NBEA: variants seen among roughly 807,000 people sequenced by gnomAD.
The protein encoded by NBEA is lysosomal-trafficking regulator 2.
A neutral mutation model predicts 343.4 loss-of-function variants in NBEA; 44 were observed. The observed-to-expected ratio is 0.13, with a 90% CI of 0.10 to 0.16. The LOEUF (loss-of-function observed/expected upper bound fraction) is 0.16, where lower values mean the gene tolerates loss of function less well. NBEA is among the 10% of genes least tolerant of loss of function. The pLI, the probability that NBEA is intolerant of heterozygous loss-of-function variation, is 1.00. For missense variants in NBEA, 2,555 were observed against 3,631.3 expected, an observed-to-expected ratio of 0.70 and a Z score of 7.62; for synonymous variants, 1,175 against 1,238.7, an observed-to-expected ratio of 0.95 and a Z score of 1.08.
intron 38 of NBEA, among the ~76,000 whole-genome samples, chr13:35,392,435 G>A (rs1244848932): frequency 6.6e-6 from 1 of 150,612 alleles, no homozygotes; most frequent in East Asian, 1.9e-4. Context: ...ACATCTGGTG[G>A]TAAAACCTAA....
chr13:35,455,274 A>G (rs1417520120), intron 40 of NBEA, among the ~76,000 whole-genome samples: 4 of 152,120 alleles, frequency 2.6e-5, no homozygotes, highest in Non-Finnish European at 5.9e-5. Context: ...CCAATATGTA[A>G]TAAGTTAAAT....
At chr13:34,978,856 A>G (rs1264559237) in intron 1 of NBEA, among the ~76,000 whole-genome samples, 3 of 152,212 alleles carry the variant, frequency 2.0e-5, no homozygotes, top group Non-Finnish European at 4.4e-5. Context: ...AAGCTAATCC[A>G]TTCTTCTACT....
Position 35,000,891 on chromosome 13 carries a change from G to A in NBEA, c.295-40042G>A, listed in dbSNP as rs188390479. 1.5e-3 allele frequency among the ~76,000 whole-genome samples: 221 copies of A among 151,604 alleles called. 1 individual carries two copies. Among genetic ancestry groups the A allele is most frequent in the African/African-American group, 5.0e-3 (208 of 41,354 alleles). On this transcript the variant is annotated intron_variant, in intron 1 of 58. Transcript: ENST00000379939. ...TCCTTTTTTGTTTTTGTTTTTTAGT[G>A]TAATTTTGAATTTCAAAAAAGAAAA...
intron 1 of NBEA, among the ~76,000 whole-genome samples, chr13:34,947,799 G>C (rs2152481076): frequency 6.6e-6 from 1 of 152,280 alleles, no homozygotes; most frequent in East Asian, 1.9e-4. Flanking sequence ...TTACGGTCCA[G>C]ACTTAGGATC....
Position 35,429,800 on chromosome 13 carries a change from CGT to C in NBEA, c.6180-2436_6180-2435del, listed in dbSNP as rs60362511. On this transcript the variant is annotated intron_variant, in intron 38 of 58. Coordinates refer to ENST00000379939, the MANE Select transcript of NBEA (RefSeq NM_001385012.1). Reference sequence around the variant, plus strand: ...CCCACCCTTTCCCCTGAGTCCCCAACGTGTGTGTGTGTGTGTGTGTGTGTGTG... The same window carrying C: ...CCCACCCTTTCCCCTGAGTCCCCAACGTGTGTGTGTGTGTGTGTGTGTGTG... Among the ~76,000 whole-genome samples, 228 of 140,264 alleles carry C rather than the reference CGT, an allele frequency of 1.6e-3. 1 individual carries two copies. Among genetic ancestry groups the C allele is most frequent in the African/African-American group, 4.4e-3 (161 of 36,874 alleles). The allele number at this position is 140,264 out of a possible 152,430, so 92.0% of individuals were successfully genotyped here.
At chr13:35,353,569 CAT>C (rs779248410) in intron 38 of NBEA, among the ~76,000 whole-genome samples, 25 of 152,038 alleles carry the variant, frequency 1.6e-4, no homozygotes, top group African/African-American at 3.9e-4. Context: ...AAAATTATAA[CAT>C]GTGTCTTTAA....
intron 34 of NBEA, among the ~76,000 whole-genome samples, chr13:35,243,684 G>C (rs1300858858): frequency 6.6e-6 from 1 of 151,684 alleles, no homozygotes; most frequent in Non-Finnish European, 1.5e-5. Context: ...AGGATAAAAG[G>C]GTTATACAAA....
At chr13:35,405,422 C>G (rs1017995065) in intron 38 of NBEA, among the ~76,000 whole-genome samples, 18 of 152,116 alleles carry the variant, frequency 1.2e-4, no homozygotes, top group Non-Finnish European at 2.6e-4. Context: ...GGGCTAAACA[C>G]TTTACATATA....
chr13:35,156,327 G>A (rs887442033), intron 20 of NBEA, 121 bp downstream of exon 20: 6 of 976,070 alleles, frequency 6.1e-6, no homozygotes, highest in East Asian at 3.2e-5. Flanking sequence ...ATCAGAAAAG[G>A]CATTTTATGT....
chr13:35,467,470 T>TAA (rs201528942), intron 40 of NBEA, among the ~76,000 whole-genome samples: 1 of 146,592 alleles, frequency 6.8e-6, no homozygotes. Flanking sequence ...AGACTCCATC[T>TAA]AAAAAAAATA....
At chr13:35,038,478 C>T (rs1350855835) in intron 1 of NBEA, among the ~76,000 whole-genome samples, 2 of 152,048 alleles carry the variant, frequency 1.3e-5, no homozygotes, top group Non-Finnish European at 2.9e-5. Context: ...CATAGTCTCA[C>T]CTGAAGCCAA....
intron 34 of NBEA, among the ~76,000 whole-genome samples, chr13:35,238,361 C>G (rs1014493880): frequency 6.6e-6 from 1 of 152,174 alleles, no homozygotes; most frequent in Non-Finnish European, 1.5e-5. Flanking sequence ...AAAGACTACT[C>G]CCTTTGATTC....
rs553575558 is a variant in NBEA, at chr13:35,302,094, A to G, written c.5839-7434A>G. ...GTGGCCCAAACTGTAACGCATGCCA[A>G]CCACCAGAATCACAAATGTTCTATG... On this transcript the variant is annotated intron_variant, in intron 35 of 58. Transcript: ENST00000379939. Among the ~76,000 whole-genome samples, 49 of 152,214 alleles carry G rather than the reference A, an allele frequency of 3.2e-4. 1 individual carries two copies. Among genetic ancestry groups the G allele is most frequent in the East Asian group, 7.7e-4 (4 of 5,206 alleles).
intron 1 of NBEA, among the ~76,000 whole-genome samples, chr13:34,957,824 C>T (rs535734569): frequency 1.8e-4 from 28 of 152,138 alleles, no homozygotes; most frequent in Non-Finnish European, 3.5e-4. Context: ...AAATAACTTA[C>T]GCAAGACTTA....
intron 11 of NBEA, among the ~76,000 whole-genome samples, chr13:35,107,679 A>G (rs985836370): frequency 3.3e-5 from 5 of 151,924 alleles, no homozygotes; most frequent in African/African-American, 1.2e-4. Context: ...CAATTTTGCT[A>G]GCTGCTTTTT....
chr13:35,567,030 T>A lies in NBEA; in HGVS notation c.7035+13T>A. ...GGATCTATCAAAGGTAACTTTTAAA[T>A]ATATAGAAGTCAGCTTTCTTCATAA... On this transcript the variant is annotated intron_variant, in intron 45 of 58. Coordinates refer to ENST00000379939, the MANE Select transcript of NBEA (RefSeq NM_001385012.1). 7.1e-7 allele frequency: 1 copy of A among 1,413,160 alleles called. No homozygotes were observed. Among genetic ancestry groups the A allele is most frequent in the African/African-American group, 1.4e-5 (1 of 70,694 alleles). The allele number at this position is 1,413,160 out of a possible 1,614,324, so 87.5% of individuals were successfully genotyped here. A position where few individuals can be genotyped will look rare whatever the true frequency, so the allele number is the denominator to read the frequency against.
chr13:35,493,750 G>A (rs533865056), intron 41 of NBEA, among the ~76,000 whole-genome samples: 1 of 151,914 alleles, frequency 6.6e-6, no homozygotes, highest in Non-Finnish European at 1.5e-5. Context: ...CATTGGAGTA[G>A]ATGATTTCCC....
intron 43 of NBEA, among the ~76,000 whole-genome samples, chr13:35,552,638 C>T (rs9544624): frequency 0.31 from 46,710 of 151,952 alleles, 8,504 homozygotes; most frequent in Middle Eastern, 0.48. Context: ...TAAGAACTTA[C>T]GAATGGGCCT....
At chr13:35,574,528 T>C (rs17052445) in intron 45 of NBEA, among the ~76,000 whole-genome samples, 3,491 of 152,116 alleles carry the variant, frequency 0.023, 131 homozygotes, top group African/African-American at 0.078. Context: ...TCAAAAGAAA[T>C]GCGGTCAGTG....
Sources: allele counts gnomAD v4.1 joint callset (sites outside exome capture counted in the v4.1 genomes callset), GRCh38; gene constraint gnomAD v4.1.1; transcripts MANE v1.5; gene names NCBI Gene and HGNC (gene_info 2026-07-23, HGNC 2026-07-21).